The following NOS1AP variants were observed in gnomAD, a reference collection of about 807,000 sequenced individuals.
NOS1AP encodes the protein carboxyl-terminal PDZ ligand of neuronal nitric oxide synthase protein.
NOS1AP carries 21 observed loss-of-function variants against 56.2 expected under a neutral mutation model. The ratio of observed to expected loss-of-function variants is 0.37; its 90% CI spans 0.26 to 0.54. The LOEUF (loss-of-function observed/expected upper bound fraction) is 0.54, where lower values mean the gene tolerates loss of function less well. Ranked by LOEUF, NOS1AP falls within the 20% of genes least tolerant of loss-of-function variation. NOS1AP has a pLI of 0.84. For missense variants in NOS1AP, 522 were observed against 657.8 expected, an observed-to-expected ratio of 0.79 and a Z score of 2.26; for synonymous variants, 270 against 274.6, an observed-to-expected ratio of 0.98 and a Z score of 0.17.
intron 6 of NOS1AP, among the ~76,000 whole-genome samples, chr1:162,346,769 G>A (rs1657308531): frequency 6.6e-6 from 1 of 152,204 alleles, no homozygotes; most frequent in Admixed American, 6.5e-5. Flanking sequence ...TGTGACTAGA[G>A]GGAATTACTT....
intron 2 of NOS1AP, among the ~76,000 whole-genome samples, chr1:162,174,993 T>C (rs944046988): frequency 6.6e-6 from 1 of 152,244 alleles, no homozygotes; most frequent in Non-Finnish European, 1.5e-5. Context: ...TAATATGTTT[T>C]TGGGAGGAAG....
At chr1:162,118,658 T>C (rs1169480748) in intron 1 of NOS1AP, among the ~76,000 whole-genome samples, 1 of 152,220 alleles carries the variant, frequency 6.6e-6, no homozygotes, top group African/African-American at 2.4e-5. Context: ...GCTGCTGTTT[T>C]TCATGTATAA....
At chr1:162,346,453 A>G (rs1571234829) in intron 6 of NOS1AP, among the ~76,000 whole-genome samples, 1 of 152,198 alleles carries the variant, frequency 6.6e-6, no homozygotes, top group East Asian at 1.9e-4. Context: ...AAGGAAAAAA[A>G]TAGAATTGTG....
At chr1:162,070,499 C>T (rs1691638398) in intron 1 of NOS1AP, among the ~76,000 whole-genome samples, 1 of 152,226 alleles carries the variant, frequency 6.6e-6, no homozygotes, top group African/African-American at 2.4e-5. Flanking sequence ...AGCGGTATTG[C>T]CTCACCTCCC....
At chr1:162,125,130 C>CTTTTTTTT (rs56264198) in intron 1 of NOS1AP, among the ~76,000 whole-genome samples, 7 of 124,170 alleles carry the variant, frequency 5.6e-5, no homozygotes, top group African/African-American at 2.3e-4. Flanking sequence ...GTTTCTGACT[C>CTTTTTTTT]TTTTTTTTTT....
intron 2 of NOS1AP, among the ~76,000 whole-genome samples, chr1:162,238,824 A>G (rs1488633223): frequency 1.3e-5 from 2 of 152,358 alleles, no homozygotes; most frequent in African/African-American, 4.8e-5. Flanking sequence ...CAGCATAAAA[A>G]AGTTGGAGGG....
intron 2 of NOS1AP, among the ~76,000 whole-genome samples, chr1:162,222,050 A>G (rs1652800467): frequency 6.6e-6 from 1 of 152,226 alleles, no homozygotes; most frequent in African/African-American, 2.4e-5. Flanking sequence ...GCAATATTGC[A>G]ATGAATTTCG....
At chr1:162,325,125 A>G (rs1162702185) in intron 4 of NOS1AP, among the ~76,000 whole-genome samples, 6 of 152,212 alleles carry the variant, frequency 3.9e-5, no homozygotes, top group Admixed American at 1.3e-4. Flanking sequence ...TGAGGAATGA[A>G]GAAGATGGAA....
intron 8 of NOS1AP, chr1:162,360,975 G>GT (rs1657881376): frequency 2.2e-6 from 1 of 454,796 alleles, no homozygotes; most frequent in African/African-American, 2.0e-5. Context: ...GGCTGGGTGG[G>GT]TTGAGGGTGG....
rs1355483199 is a variant in NOS1AP, at chr1:162,069,803, G to T, written c.-375G>T. On this transcript the variant is annotated 5_prime_UTR_variant, in exon 1 of 10. Transcript: ENST00000361897. ...TCGCCTTTTCTTCTTCGTCCCGGGC[G>T]GTGCGTTCCACTGCTCTGGGGCCGG... 1 of 154,512 alleles carries T rather than the reference G, an allele frequency of 6.5e-6. No homozygotes were observed. The highest frequency in any genetic ancestry group is 1.4e-5 in the Non-Finnish European group (1 of 69,566). The allele number at this position is 154,512 out of a possible 1,614,324, so 9.6% of individuals were successfully genotyped here.
intron 2 of NOS1AP, among the ~76,000 whole-genome samples, chr1:162,168,815 C>T (rs545104551): frequency 6.6e-5 from 10 of 152,202 alleles, no homozygotes; most frequent in Non-Finnish European, 1.2e-4. Flanking sequence ...AAAGTTATTT[C>T]GATAATATAG....
intron 1 of NOS1AP, among the ~76,000 whole-genome samples, chr1:162,136,291 T>A (rs10918729): frequency 0.23 from 35,716 of 152,094 alleles, 7,806 homozygotes; most frequent in African/African-American, 0.59. Flanking sequence ...TTATTTATTT[T>A]TTAATGTATG....
At chr1:162,208,260 C>T (rs921925043) in intron 2 of NOS1AP, among the ~76,000 whole-genome samples, 2 of 152,230 alleles carry the variant, frequency 1.3e-5, no homozygotes, top group Admixed American at 6.5e-5. Flanking sequence ...ACAGTTGCCA[C>T]ACTTTTCTCA....
intron 4 of NOS1AP, among the ~76,000 whole-genome samples, chr1:162,309,144 A>G (rs1571208370): frequency 6.6e-6 from 1 of 152,232 alleles, no homozygotes; most frequent in Non-Finnish European, 1.5e-5. Context: ...CTATTCTGTG[A>G]TATTTGGGAT....
intron 1 of NOS1AP, among the ~76,000 whole-genome samples, chr1:162,107,112 T>C (rs902032343): frequency 1.3e-5 from 2 of 152,122 alleles, no homozygotes; most frequent in African/African-American, 4.8e-5. Context: ...AATAGAGTGA[T>C]TGTCATGATA....
In NOS1AP at chr1:162,081,774, A is replaced by ATATATTTTTTTTTTTTTTTTT; in HGVS notation, c.105+11493_105+11494insATATTTTTTTTTTTTTTTTTT. ...TCTATAGATATATATATATATATAT[A>ATATATTTTTTTTTTTTTTTTT]TTTTTTTTTTGTAGAGATGGGTTTT... On this transcript the variant is annotated intron_variant, in intron 1 of 9. Coordinates refer to ENST00000361897, the MANE Select transcript of NOS1AP (RefSeq NM_014697.3). 3.0e-3 allele frequency among the ~76,000 whole-genome samples: 131 copies of ATATATTTTTTTTTTTTTTTTT among 43,994 alleles called. 1 individual carries two copies. The Middle Eastern group carries it at 0.035, about 12-fold the overall frequency. 28.9% of individuals were successfully genotyped at this position (43,994 alleles called of 152,430 possible).
At chr1:162,151,827 T>G (rs1266934326) in intron 1 of NOS1AP, among the ~76,000 whole-genome samples, 2 of 151,128 alleles carry the variant, frequency 1.3e-5, no homozygotes, top group East Asian at 3.9e-4. Context: ...TTAGTAGGGG[T>G]GTGGGGTGAG....
Position 162,333,004 on chromosome 1 carries a change from G to T in NOS1AP, c.345-13G>T. The stretch of plus-strand genomic sequence containing the variant: ...GCCATTTTCAGTGCATTTTTCTGTT[G>T]TTCTTCCTTTAGGATCTTCTATGTC... On this transcript the variant is annotated splice_polypyrimidine_tract_variant and intron_variant, in intron 4 of 9. Coordinates refer to ENST00000361897, the MANE Select transcript of NOS1AP (RefSeq NM_014697.3). The T allele has an allele frequency of 1.3e-6, 2 of 1,595,678 alleles. No homozygotes were observed. Among genetic ancestry groups the T allele is most frequent in the East Asian group, 2.2e-5 (1 of 44,790 alleles).
At chr1:162,180,461 G>C (rs1651217406) in intron 2 of NOS1AP, among the ~76,000 whole-genome samples, 1 of 152,102 alleles carries the variant, frequency 6.6e-6, no homozygotes, top group African/African-American at 2.4e-5. Context: ...AGCCAGGATG[G>C]TCTCGATCTC....
Sources: gnomAD v4.1 joint callset for allele counts (sites outside exome capture counted in the v4.1 genomes callset) on GRCh38, gnomAD v4.1.1 for gene constraint, MANE v1.5 for transcripts, NCBI Gene and HGNC (gene_info 2026-07-23, HGNC 2026-07-21) for gene names.